FANCB: variants seen among roughly 807,000 people sequenced by gnomAD.
The protein encoded by FANCB is Fanconi anemia group B protein.
Under a neutral mutation model 38.9 loss-of-function variants are expected in FANCB, and 5 were observed. The ratio of observed to expected loss-of-function variants is 0.13; its 90% CI spans 0.07 to 0.27. The LOEUF is 0.27. Ranked by LOEUF, FANCB falls within the 10% of genes least tolerant of loss-of-function variation. The pLI is 1.00. For synonymous variants in FANCB, 236 were observed against 215.4 expected (o/e 1.10, Z -0.84); for missense variants, 573 against 602.7 (o/e 0.95, Z 0.52).
chrX:14,817,265 C>G, the FANCB span, among the ~76,000 whole-genome samples: 1 of 111,779 alleles, frequency 8.9e-6, no homozygotes, highest in African/African-American at 3.3e-5. Flanking sequence ...TAAAGCCCCC[C>G]AAGGTTATTA....
intron 4 of FANCB, among the ~76,000 whole-genome samples, chrX:14,858,397 CAA>C (rs1208196291): frequency 7.4e-5 from 7 of 94,114 alleles, no homozygotes; most frequent in Admixed American, 1.2e-4. Flanking sequence ...ACTCTGTCTC[CAA>C]AAAAAAAAAA....
At chrX:14,781,474 AAAAT>A in the FANCB span, among the ~76,000 whole-genome samples, 1 of 111,649 alleles carries the variant, frequency 9.0e-6, no homozygotes, top group East Asian at 2.8e-4. Flanking sequence ...TCTTTTAAAA[AAAAT>A]AAAAGATGAA....
At chrX:14,770,603 C>T in the FANCB span, among the ~76,000 whole-genome samples, 16 of 111,717 alleles carry the variant, frequency 1.4e-4, no homozygotes, top group African/African-American at 5.2e-4. Context: ...CCATTCTGTG[C>T]GTTTTATTTG....
chrX:14,838,470 C>A (rs775932237), downstream of FANCB, among the ~76,000 whole-genome samples: 35 of 111,592 alleles, frequency 3.1e-4, no homozygotes, highest in African/African-American at 1.0e-3. Flanking sequence ...TGGTCCTGGT[C>A]TCCTTCAGAT....
intron 7 of FANCB, among the ~76,000 whole-genome samples, chrX:14,846,396 C>G (rs2092377296): frequency 8.9e-6 from 1 of 111,772 alleles, no homozygotes; most frequent in Non-Finnish European, 1.9e-5. Flanking sequence ...ACCTCTTGCA[C>G]TCAAATTCTG....
chrX:14,816,437 G>A, the FANCB span, among the ~76,000 whole-genome samples: 1 of 111,422 alleles, frequency 9.0e-6, no homozygotes, highest in Non-Finnish European at 1.9e-5. Context: ...TGTGACCAAG[G>A]AAAAAAGAAA....
chrX:14,830,501 C>T, the FANCB span, among the ~76,000 whole-genome samples: 8 of 111,594 alleles, frequency 7.2e-5, no homozygotes, highest in Non-Finnish European at 5.7e-5. Flanking sequence ...ATTCTGGTTC[C>T]CCACCCTTTA....
At chrX:14,861,152 G>A (rs1771549074) in intron 3 of FANCB, among the ~76,000 whole-genome samples, 1 of 111,507 alleles carries the variant, frequency 9.0e-6, no homozygotes, top group South Asian at 3.7e-4. Context: ...CCAAAGCACT[G>A]GGATTACAAA....
chrX:14,806,604 T>C, the FANCB span, among the ~76,000 whole-genome samples: 1 of 111,382 alleles, frequency 9.0e-6, no homozygotes, highest in African/African-American at 3.3e-5. Context: ...GCCAGGGTGT[T>C]AGATTTTCTA....
At chrX:14,847,223 T>C (rs1187869080) in intron 7 of FANCB, among the ~76,000 whole-genome samples, 5 of 110,575 alleles carry the variant, frequency 4.5e-5, no homozygotes, top group Non-Finnish European at 9.5e-5. Flanking sequence ...AAATGTTCTA[T>C]ATATAAAAAC....
the FANCB span, among the ~76,000 whole-genome samples, chrX:14,823,204 TC>T: frequency 9.6e-6 from 1 of 103,847 alleles, no homozygotes; most frequent in Non-Finnish European, 1.9e-5. Context: ...TACCTCAGCC[TC>T]CCGAGTAGCT....
intron 3 of FANCB, chrX:14,862,341 G>A (rs956497151): frequency 3.6e-5 from 4 of 111,279 alleles, no homozygotes; most frequent in African/African-American, 1.3e-4. Flanking sequence ...ACCTTAGGGG[G>A]TAAGTCAGTA....
At chrX:14,833,195 G>A (rs779999624), downstream of FANCB, among the ~76,000 whole-genome samples, 29 of 112,369 alleles carry the variant, frequency 2.6e-4, no homozygotes, top group African/African-American at 9.0e-4. Context: ...AAATACTTTT[G>A]TACAAAATTT....
At chrX:14,746,804 C>T in the FANCB span, among the ~76,000 whole-genome samples, 3 of 111,981 alleles carry the variant, frequency 2.7e-5, no homozygotes, top group African/African-American at 9.7e-5. Context: ...ATCAAATGTG[C>T]CACTTTCTCT....
the FANCB span, among the ~76,000 whole-genome samples, chrX:14,759,222 T>G: frequency 1.4e-4 from 16 of 111,875 alleles, no homozygotes; most frequent in African/African-American, 5.2e-4. Flanking sequence ...TTTAGGATTA[T>G]GTTAAATGAC....
intron 6 of FANCB, among the ~76,000 whole-genome samples, chrX:14,852,629 T>G (rs2092406556): frequency 8.9e-6 from 1 of 111,970 alleles, no homozygotes; most frequent in South Asian, 3.7e-4. Context: ...ACAATCATTA[T>G]CCTAATAATA....
the FANCB span, among the ~76,000 whole-genome samples, chrX:14,808,180 AGAG>A: frequency 3.0e-4 from 34 of 112,260 alleles, no homozygotes; most frequent in African/African-American, 9.7e-4. Context: ...TCCAAAAAAG[AGAG>A]GAGGAGGGAA....
At chrX:14,837,486 C>G (rs2092344414) in intron 10 of FANCB, among the ~76,000 whole-genome samples, 1 of 112,348 alleles carries the variant, frequency 8.9e-6, no homozygotes, top group South Asian at 3.6e-4. Context: ...GGAACAGGCA[C>G]ACAGGTATTT....
At chrX:14,734,621 G>T in the FANCB span, among the ~76,000 whole-genome samples, 1 of 111,794 alleles carries the variant, frequency 8.9e-6, no homozygotes, top group Non-Finnish European at 1.9e-5. Flanking sequence ...TCCCTTTGTG[G>T]GTAACCCAAC....
Sources: gnomAD v4.1 joint callset for allele counts (sites outside exome capture counted in the v4.1 genomes callset) on GRCh38, gnomAD v4.1.1 for gene constraint, MANE v1.5 for transcripts, NCBI Gene and HGNC (gene_info 2026-07-23, HGNC 2026-07-21) for gene names.